The following CPED1 variants were observed in gnomAD, a reference collection of about 807,000 sequenced individuals.
The protein encoded by CPED1 is cadherin-like and PC-esterase domain-containing protein 1.
Under a neutral mutation model 128.2 loss-of-function variants are expected in CPED1, and 114 were observed. The ratio of observed to expected loss-of-function variants is 0.89; its 90% CI spans 0.76 to 1.04. CPED1 has a LOEUF of 1.04. Among genes scored for constraint, CPED1 ranks in the 50% least tolerant of loss-of-function variants. The probability of loss-of-function intolerance (pLI) is 0.00; values close to 1 mark genes in which losing one functional copy is unlikely to be tolerated. For synonymous variants in CPED1, 462 were observed against 426.7 expected, an observed-to-expected ratio of 1.08 and a Z score of -1.02; for missense variants, 1,211 against 1,207.1, an observed-to-expected ratio of 1.00 and a Z score of -0.05.
At chr7:121,124,504 A>T in intron 8 of CPED1, 31 bp downstream of exon 8, 1 of 1,380,194 alleles carries the variant, frequency 7.2e-7, no homozygotes, top group Non-Finnish European at 9.6e-7. Flanking sequence ...TAAAAAAAAA[A>T]GAAAAGAAAG....
intron 18 of CPED1, among the ~76,000 whole-genome samples, chr7:121,249,917 C>G (rs921788245): frequency 2.0e-5 from 3 of 152,124 alleles, no homozygotes; most frequent in Non-Finnish European, 1.5e-5. Context: ...ATCAACAAGA[C>G]AGAAAGTTAA....
intron 18 of CPED1, among the ~76,000 whole-genome samples, chr7:121,256,130 A>AAAAAAAAAAAAAAC (rs1562852749): frequency 2.8e-5 from 1 of 35,194 alleles, no homozygotes; most frequent in African/African-American, 4.4e-5. Context: ...AAAACAAAAC[A>AAAAAAAAAAAAAAC]AAAAAAAAAA....
intron 16 of CPED1, among the ~76,000 whole-genome samples, chr7:121,202,620 C>T (rs571872288): frequency 1.3e-5 from 2 of 152,214 alleles, no homozygotes; most frequent in South Asian, 4.1e-4. Context: ...TCAGTTGACC[C>T]TCCCAGTAAA....
At chr7:121,035,806 C>G (rs1328807589) in intron 3 of CPED1, among the ~76,000 whole-genome samples, 2 of 151,782 alleles carry the variant, frequency 1.3e-5, no homozygotes, top group African/African-American at 4.8e-5. Flanking sequence ...GCACTCCAGC[C>G]TAGGTGACCG....
At chr7:121,079,314 G>A (rs73215345) in intron 5 of CPED1, among the ~76,000 whole-genome samples, 11,346 of 152,248 alleles carry the variant, frequency 0.075, 651 homozygotes, top group African/African-American at 0.16. Flanking sequence ...AACAATAGAT[G>A]TGTATTAGTA....
At chr7:121,045,315 G>T (rs1053824324) in intron 3 of CPED1, among the ~76,000 whole-genome samples, 6 of 152,128 alleles carry the variant, frequency 3.9e-5, no homozygotes, top group Non-Finnish European at 7.4e-5. Flanking sequence ...CAAGCAAACA[G>T]AGAAGTTCTA....
intron 3 of CPED1, among the ~76,000 whole-genome samples, chr7:121,045,385 A>G (rs1028760493): frequency 4.6e-5 from 7 of 152,222 alleles, no homozygotes; most frequent in African/African-American, 1.7e-4. Flanking sequence ...TTTCCCTTCC[A>G]ACAACAGGAC....
chr7:121,004,300 G>T (rs1585012036), intron 2 of CPED1, among the ~76,000 whole-genome samples: 1 of 152,166 alleles, frequency 6.6e-6, no homozygotes, highest in Non-Finnish European at 1.5e-5. Context: ...CAGTTGAAAT[G>T]GGCTTAGAAC....
At chr7:121,130,533 A>G (rs1452899808) in intron 12 of CPED1, among the ~76,000 whole-genome samples, 4 of 152,104 alleles carry the variant, frequency 2.6e-5, no homozygotes, top group African/African-American at 7.2e-5. Context: ...TGACTCCACT[A>G]TAATGTTTAG....
At chr7:121,051,876 G>T (rs567032404) in intron 4 of CPED1, 1 of 156,166 alleles carries the variant, frequency 6.4e-6, no homozygotes, top group Non-Finnish European at 1.4e-5. Context: ...CTGGAAAGTC[G>T]CTGGAATAAC....
chr7:121,254,297 C>T (rs758937550), intron 18 of CPED1, among the ~76,000 whole-genome samples: 29 of 152,100 alleles, frequency 1.9e-4, no homozygotes, highest in Non-Finnish European at 3.8e-4. Flanking sequence ...AAACAACTTG[C>T]TCCTGAATAA....
intron 22 of CPED1, among the ~76,000 whole-genome samples, chr7:121,285,094 C>T (rs763545601): frequency 1.5e-4 from 23 of 152,198 alleles, no homozygotes; most frequent in Non-Finnish European, 3.4e-4. Flanking sequence ...AAATTCTAGT[C>T]TTCTGTACAC....
chr7:121,105,701 A>G lies in CPED1; in HGVS notation c.918+5607A>G, dbSNP rs138344158. On this transcript the variant is annotated intron_variant, in intron 7 of 22. Transcript: ENST00000310396. ...ATAAACTTGTGACCAAAGCTGACTT[A>G]CTTTAAAAACTTTTATAATAACTGC... Among the ~76,000 whole-genome samples, 736 of 152,284 alleles carry G rather than the reference A, an allele frequency of 4.8e-3. 5 individuals carry two copies. The highest frequency in any genetic ancestry group is 0.02 in the Middle Eastern group (6 of 294).
intron 2 of CPED1, among the ~76,000 whole-genome samples, chr7:120,991,996 A>C (rs769496525): frequency 6.6e-6 from 1 of 152,168 alleles, no homozygotes; most frequent in Non-Finnish European, 1.5e-5. Context: ...TACACATGTT[A>C]ATTAAAACCA....
chr7:121,188,088 T>G (rs758796915), intron 16 of CPED1, among the ~76,000 whole-genome samples: 5 of 152,178 alleles, frequency 3.3e-5, no homozygotes, highest in Non-Finnish European at 7.4e-5. Flanking sequence ...GGTATTTTAG[T>G]TATATAAAAT....
chr7:120,994,931 G>A (rs749231229), intron 2 of CPED1, among the ~76,000 whole-genome samples: 11 of 152,070 alleles, frequency 7.2e-5, no homozygotes, highest in East Asian at 1.9e-4. Flanking sequence ...CCTCTTCTTC[G>A]CCAAATCTTA....
intron 13 of CPED1, among the ~76,000 whole-genome samples, chr7:121,134,686 A>G (rs970943432): frequency 6.6e-6 from 1 of 152,110 alleles, no homozygotes; most frequent in Non-Finnish European, 1.5e-5. Flanking sequence ...GTATCAAAAT[A>G]TTTCACATTA....
chr7:121,230,287 G>T (rs1798107169), intron 16 of CPED1, among the ~76,000 whole-genome samples: 2 of 151,958 alleles, frequency 1.3e-5, no homozygotes, highest in African/African-American at 4.8e-5. Flanking sequence ...GAAGAGAAGG[G>T]AAACTTGGAA....
At chr7:121,108,639 T>C (rs1795037915) in intron 7 of CPED1, among the ~76,000 whole-genome samples, 1 of 152,140 alleles carries the variant, frequency 6.6e-6, no homozygotes, top group Non-Finnish European at 1.5e-5. Context: ...TCTAGAGCTC[T>C]TTCTCCTCAA....
Sources: gnomAD v4.1 joint callset for allele counts (sites outside exome capture counted in the v4.1 genomes callset) on GRCh38, gnomAD v4.1.1 for gene constraint, MANE v1.5 for transcripts, NCBI Gene and HGNC (gene_info 2026-07-23, HGNC 2026-07-21) for gene names.